The following GALK1 variants were observed in gnomAD, a reference collection of about 807,000 sequenced individuals.
The protein encoded by GALK1 is galactokinase.
Under a neutral mutation model 38.6 loss-of-function variants are expected in GALK1, and 30 were observed. That is an observed-to-expected ratio of 0.78 (90% CI 0.58 to 1.05). The LOEUF is 1.05. Ranked by LOEUF, GALK1 falls within the 50% of genes least tolerant of loss-of-function variation. The pLI is 0.00. For synonymous variants in GALK1, 240 were observed against 233.6 expected, an observed-to-expected ratio of 1.03 and a Z score of -0.25; for missense variants, 512 against 540.5, an observed-to-expected ratio of 0.95 and a Z score of 0.52.
chr17:75,757,520 A>G (rs755224034), downstream of GALK1: 28 of 1,613,200 alleles, frequency 1.7e-5, no homozygotes, highest in East Asian at 5.3e-4. Context: ...CGGAACCCTT[A>G]GCACCCACAT....
downstream of GALK1, chr17:75,755,963 T>C: frequency 3.8e-6 from 5 of 1,305,414 alleles, no homozygotes; most frequent in Non-Finnish European, 5.3e-6. Flanking sequence ...CCTTGAGCGC[T>C]AAAGCCCCCA....
chr17:75,753,620 A>T, downstream of GALK1: 1 of 477,238 alleles, frequency 2.1e-6, no homozygotes, highest in East Asian at 3.6e-5. Flanking sequence ...GGCCGTGCGC[A>T]TCTACCCCCG....
chr17:75,764,824 G>T lies in GALK1; in HGVS notation c.165+148C>A, dbSNP rs1342238474. 1.7e-5 allele frequency: 14 copies of T among 830,770 alleles called. No homozygotes were observed. In the East Asian group the frequency reaches 3.5e-4, roughly 20 times the overall value. 51.5% of individuals were successfully genotyped at this position (830,770 alleles called of 1,614,324 possible). A position where few individuals can be genotyped will look rare whatever the true frequency, so the allele number is the denominator to read the frequency against. ...AACGTGGGGAACAGCCTGTCCCGGGGACTCTTCCGTGCACCGGTGCTCCAG... is the reference window on the plus strand; with the variant it reads ...AACGTGGGGAACAGCCTGTCCCGGGTACTCTTCCGTGCACCGGTGCTCCAG... On this transcript the variant is annotated intron_variant, in intron 1 of 7. Coordinates refer to ENST00000588479, the MANE Select transcript of GALK1 (RefSeq NM_000154.2).
downstream of GALK1, among the ~76,000 whole-genome samples, chr17:75,753,301 G>C (rs2061410213): frequency 6.6e-6 from 1 of 152,176 alleles, no homozygotes; most frequent in African/African-American, 2.4e-5. Flanking sequence ...GAGCGCAGCT[G>C]GTGTGACTCT....
At chr17:75,756,499 C>T (rs2061506755), downstream of GALK1, 1 of 1,613,274 alleles carries the variant, frequency 6.2e-7, no homozygotes, top group African/African-American at 1.3e-5. Flanking sequence ...TCCTGCCCAA[C>T]CACTCCTACG....
intron 1 of GALK1, 139 bp downstream of exon 1, chr17:75,764,833 G>T: frequency 1.1e-6 from 1 of 917,060 alleles, no homozygotes; most frequent in Non-Finnish European, 1.7e-6. Context: ...GGACTCTTCC[G>T]TGCACCGGTG....
chr17:75,764,511 C>G (rs527922231), intron 1 of GALK1: 10 of 504,566 alleles, frequency 2.0e-5, no homozygotes, highest in South Asian at 1.3e-4. Flanking sequence ...CGCCAAGAAC[C>G]TGCTGTGTGA....
At chr17:75,764,514 CTG>C (rs1421775130) in intron 1 of GALK1, 1 of 500,730 alleles carries the variant, frequency 2.0e-6, no homozygotes, top group Non-Finnish European at 3.9e-6. Flanking sequence ...CAAGAACCTG[CTG>C]TGTGACCTCC....
chr17:75,763,752 G>A (rs2061598096), intron 2 of GALK1, 145 bp downstream of exon 2: 1 of 900,820 alleles, frequency 1.1e-6, no homozygotes, highest in African/African-American at 1.6e-5. Context: ...GACCTTCTGG[G>A]GGCATCAGTT....
At position 75,757,980 on chromosome 17, in the gene GALK1, A is replaced by AGAT. The variant is rs762512608; in HGVS notation, c.*73_*75dup. 27 of 1,517,592 alleles carry AGAT rather than the reference A, an allele frequency of 1.8e-5. No individual in the cohort carries two copies. The East Asian group carries it at 5.9e-4, about 33-fold the overall frequency. 94.0% of individuals were successfully genotyped at this position (1,517,592 alleles called of 1,614,324 possible). On this transcript the variant is annotated 3_prime_UTR_variant, in exon 8 of 8. Coordinates refer to ENST00000588479, the MANE Select transcript of GALK1 (RefSeq NM_000154.2). ...AGTTTATTGAGCACCCGGATATGGA[A>AGAT]GATGGCACCGGGCACAGAGCCGTGG...
At chr17:75,754,530 G>A (rs572186171), downstream of GALK1, 41 of 1,611,820 alleles carry the variant, frequency 2.5e-5, no homozygotes, top group Admixed American at 1.2e-4. Context: ...CACGGGGCCC[G>A]GGTCTGGGGC....
At chr17:75,757,448 G>A (rs2061545324), downstream of GALK1, 1 of 1,612,102 alleles carries the variant, frequency 6.2e-7, no homozygotes, top group African/African-American at 1.3e-5. Context: ...GCACCTGGAG[G>A]CAGGCGGCTC....
chr17:75,754,515 T>G (rs2061440800), downstream of GALK1: 28 of 1,608,742 alleles, frequency 1.7e-5, no homozygotes, highest in South Asian at 3.0e-4. Flanking sequence ...GGGCCCAGCC[T>G]GCCCCACGGG....
In GALK1 at chr17:75,764,889, G is replaced by GC. The variant is rs574322744; in HGVS notation, c.165+82dup. The stretch of plus-strand genomic sequence containing the variant: ...CCCACATCTCCCGCGGGAAGAACTC[G>GC]CCCCCAGCGTCCCCGAGGCCCGCCC... On this transcript the variant is annotated intron_variant, in intron 1 of 7. Coordinates refer to ENST00000588479, the MANE Select transcript of GALK1 (RefSeq NM_000154.2). The GC allele has an allele frequency of 3.0e-4, 433 of 1,463,742 alleles. No individual in the cohort carries two copies. In the African/African-American group the frequency reaches 4.1e-3, roughly 14 times the overall value. The allele number at this position is 1,463,742 out of a possible 1,614,324, so 90.7% of individuals were successfully genotyped here.
intron 1 of GALK1, 82 bp downstream of exon 1, chr17:75,764,890 C>T (rs960969163): frequency 1.4e-6 from 2 of 1,471,558 alleles, no homozygotes; most frequent in African/African-American, 1.4e-5. Context: ...GAAGAACTCG[C>T]CCCCAGCGTC....
intron 5 of GALK1, among the ~76,000 whole-genome samples, chr17:75,761,632 A>G (rs1292325809): frequency 7.2e-6 from 1 of 138,536 alleles, no homozygotes; most frequent in African/African-American, 3.0e-5. Context: ...AAAAAAAAGA[A>G]AAAAAAAAAA....
rs955465338 is a variant in GALK1, at chr17:75,757,910, C to A, written c.*146G>T. ...CATCCCCCATTCTCTGACACCCAAG[C>A]ATACACCCACCTCTAGAGGAGGCAG... On this transcript the variant is annotated 3_prime_UTR_variant, in exon 8 of 8. Coordinates refer to ENST00000588479, the MANE Select transcript of GALK1 (RefSeq NM_000154.2). 3 of 918,936 alleles carry A rather than the reference C, an allele frequency of 3.3e-6. No homozygotes were observed. Among genetic ancestry groups the A allele is most frequent in the Non-Finnish European group, 3.4e-6 (2 of 588,238 alleles). 56.9% of individuals were successfully genotyped at this position (918,936 alleles called of 1,614,324 possible).
rs7209235 is a variant in GALK1, at chr17:75,763,471, G to A, written c.356-32C>T. The A allele has an allele frequency of 0.7, 1,095,442 of 1,562,924 alleles. 385,643 individuals carry two copies. Among genetic ancestry groups the A allele is most frequent in the East Asian group, 0.84 (34,816 of 41,558 alleles). Reference sequence around the variant, plus strand: ...GGGAAAGAACAGGTGATGGTAAGAGGGGCTGCCTGGGAGGATGGCACAGGA... The same window carrying A: ...GGGAAAGAACAGGTGATGGTAAGAGAGGCTGCCTGGGAGGATGGCACAGGA... On this transcript the variant is annotated intron_variant, in intron 2 of 7. Coordinates refer to ENST00000588479, the MANE Select transcript of GALK1 (RefSeq NM_000154.2).
rs565602495 is a variant in GALK1, at chr17:75,765,164, G to A, written c.-28C>T. The stretch of plus-strand genomic sequence containing the variant: ...CGCGCGCCTGCAGCTCTGCACAGCT[G>A]CTCCGGCACAGCCCCGTCGGCGCGG... On this transcript the variant is annotated 5_prime_UTR_variant, in exon 1 of 8. Transcript: ENST00000588479. 14 of 1,476,328 alleles carry A rather than the reference G, an allele frequency of 9.5e-6. No individual in the cohort carries two copies. In the Admixed American group the frequency reaches 1.2e-4, roughly 12 times the overall value. 91.5% of individuals were successfully genotyped at this position (1,476,328 alleles called of 1,614,324 possible).
Sources: gnomAD v4.1 joint callset for allele counts (sites outside exome capture counted in the v4.1 genomes callset) on GRCh38, gnomAD v4.1.1 for gene constraint, MANE v1.5 for transcripts, NCBI Gene and HGNC (gene_info 2026-07-23, HGNC 2026-07-21) for gene names.